GPC6: variants seen among roughly 807,000 people sequenced by gnomAD.
GPC6 encodes glypican 6.
GPC6 carries 14 observed loss-of-function variants against 55.2 expected under a neutral mutation model. That is an observed-to-expected ratio of 0.25 (90% confidence interval 0.17 to 0.40). The LOEUF (loss-of-function observed/expected upper bound fraction) is 0.40. GPC6 is among the 10% of genes least tolerant of loss of function. The pLI is 1.00. For synonymous variants in GPC6, 278 were observed against 259.6 expected (o/e 1.07, Z -0.68); for missense variants, 641 against 708.5 (o/e 0.90, Z 1.08).
At chr13:93,964,165 C>A (rs1339457812) in intron 3 of GPC6, among the ~76,000 whole-genome samples, 1 of 152,054 alleles carries the variant, frequency 6.6e-6, no homozygotes, top group African/African-American at 2.4e-5. Context: ...AAAGATGATC[C>A]ATGATGAAGG....
intron 4 of GPC6, among the ~76,000 whole-genome samples, chr13:94,104,346 A>G (rs914836254): frequency 3.2e-4 from 48 of 152,254 alleles, no homozygotes; most frequent in African/African-American, 5.8e-4. Context: ...ATATATGACA[A>G]ACCCACAGCC....
chr13:93,307,393 G>A (rs899385002), intron 1 of GPC6, among the ~76,000 whole-genome samples: 4 of 151,986 alleles, frequency 2.6e-5, no homozygotes, highest in African/African-American at 9.7e-5. Context: ...ATGGGAAGAG[G>A]GATGAAATTT....
At chr13:93,889,647 A>G (rs74111035) in intron 3 of GPC6, among the ~76,000 whole-genome samples, 5,248 of 152,166 alleles carry the variant, frequency 0.034, 269 homozygotes, top group East Asian at 0.17. Context: ...AGAGAATAAG[A>G]CTTTCATTTT....
rs535257371 is a variant in GPC6, at chr13:94,039,699, T to C, written c.877+11805T>C. Among the ~76,000 whole-genome samples the C allele has an allele frequency of 1.2e-4, 18 of 151,942 alleles. 1 individual carries two copies. The highest frequency in any genetic ancestry group is 6.8e-3 in the Middle Eastern group (2 of 294). Reference sequence around the variant, plus strand: ...ACAAAAGCTGGGATGTCACAAACCATTGGAGGGTTTTCACAGCCCAGATGT... The same window carrying C: ...ACAAAAGCTGGGATGTCACAAACCACTGGAGGGTTTTCACAGCCCAGATGT... On this transcript the variant is annotated intron_variant, in intron 4 of 8. Coordinates refer to ENST00000377047, the MANE Select transcript of GPC6 (RefSeq NM_005708.5).
intron 1 of GPC6, among the ~76,000 whole-genome samples, chr13:93,406,850 C>T (rs1020244038): frequency 6.6e-6 from 1 of 152,016 alleles, no homozygotes; most frequent in East Asian, 1.9e-4. Context: ...AACAGCTAAC[C>T]TGAAATATTT....
chr13:94,259,403 G>A (rs964920557), intron 4 of GPC6, among the ~76,000 whole-genome samples: 1 of 152,228 alleles, frequency 6.6e-6, no homozygotes, highest in African/African-American at 2.4e-5. Flanking sequence ...GAGTGGGCTG[G>A]TAGTCTCTAA....
intron 1 of GPC6, among the ~76,000 whole-genome samples, chr13:93,327,942 A>G (rs1879713718): frequency 6.6e-6 from 1 of 152,128 alleles, no homozygotes; most frequent in African/African-American, 2.4e-5. Flanking sequence ...CTGACTCCTC[A>G]GATTCAGGGA....
chr13:93,595,160 A>T (rs1328830399), intron 2 of GPC6, among the ~76,000 whole-genome samples: 2 of 152,214 alleles, frequency 1.3e-5, no homozygotes, highest in Non-Finnish European at 2.9e-5. Context: ...TATTATAGAT[A>T]TTAAACCTGA....
At chr13:94,057,178 A>C (rs181424554) in intron 4 of GPC6, among the ~76,000 whole-genome samples, 37 of 152,318 alleles carry the variant, frequency 2.4e-4, no homozygotes, top group African/African-American at 8.7e-4. Context: ...ATTATGTTCA[A>C]CTTGTTAGCT....
intron 4 of GPC6, among the ~76,000 whole-genome samples, chr13:94,236,641 T>G (rs928836009): frequency 1.3e-5 from 2 of 152,104 alleles, no homozygotes; most frequent in Non-Finnish European, 2.9e-5. Flanking sequence ...TGAAAGTAAC[T>G]TTGAGCTGGT....
chr13:94,090,104 C>T (rs988842659), intron 4 of GPC6, among the ~76,000 whole-genome samples: 5 of 152,150 alleles, frequency 3.3e-5, no homozygotes, highest in African/African-American at 9.7e-5. Flanking sequence ...AATGGACTCA[C>T]AGTTCCACAT....
At chr13:93,478,727 T>C (rs1456979564) in intron 1 of GPC6, among the ~76,000 whole-genome samples, 2 of 152,184 alleles carry the variant, frequency 1.3e-5, no homozygotes, top group Non-Finnish European at 2.9e-5. Flanking sequence ...GGAAATCATG[T>C]TACAGGTCAG....
In GPC6 at chr13:93,377,054, T is replaced by C. The variant is rs75563982; in HGVS notation, c.160+149438T>C. Among the ~76,000 whole-genome samples the C allele has an allele frequency of 2.5e-3, 384 of 152,352 alleles. 5 individuals are homozygous for C. The highest frequency in any genetic ancestry group is 0.015 in the East Asian group (79 of 5,182). Reference sequence around the variant, plus strand: ...GTTTAATTTTCCTTTCTAACTTAGATGGTTTCACAAATGCACAGTTGTACA... The same window carrying C: ...GTTTAATTTTCCTTTCTAACTTAGACGGTTTCACAAATGCACAGTTGTACA... On this transcript the variant is annotated intron_variant, in intron 1 of 8. Coordinates refer to ENST00000377047, the MANE Select transcript of GPC6 (RefSeq NM_005708.5).
At chr13:93,567,983 T>C (rs1876220264) in intron 2 of GPC6, among the ~76,000 whole-genome samples, 1 of 152,178 alleles carries the variant, frequency 6.6e-6, no homozygotes, top group South Asian at 2.1e-4. Flanking sequence ...CTTGATGTTC[T>C]AAGAGAAACC....
chr13:93,802,505 C>T (rs955234457), intron 2 of GPC6, among the ~76,000 whole-genome samples: 6 of 151,940 alleles, frequency 3.9e-5, no homozygotes, highest in Non-Finnish European at 5.9e-5. Flanking sequence ...TGAAGCCATT[C>T]TTCCACCTCA....
At position 94,304,138 on chromosome 13, in the gene GPC6, C is replaced by T. The variant is rs1325955765; in HGVS notation, c.1009-1842C>T. Among the ~76,000 whole-genome samples, 3 of 152,320 alleles carry T rather than the reference C, an allele frequency of 2.0e-5. No homozygotes were observed. In the East Asian group the frequency reaches 5.8e-4, roughly 29 times the overall value. On this transcript the variant is annotated intron_variant, in intron 5 of 8. Transcript: ENST00000377047. Reference sequence around the variant, plus strand: ...GATTTAGGCACTACGGAGAAAAGGGCCCACTATCTTTATCACATCGGTTTA... The same window carrying T: ...GATTTAGGCACTACGGAGAAAAGGGTCCACTATCTTTATCACATCGGTTTA...
At position 93,911,406 on chromosome 13, in the gene GPC6, CTGTGTG is replaced by C. The variant is rs10566353; in HGVS notation, c.711+80887_711+80892del. Among the ~76,000 whole-genome samples, 997 of 149,764 alleles carry C rather than the reference CTGTGTG, an allele frequency of 6.7e-3. 8 individuals are homozygous for C. The highest frequency in any genetic ancestry group is 0.021 in the African/African-American group (864 of 40,808). ...AACTACCATGAATAAAGATAATTGA[CTGTGTG>C]TGTGTGTGTGTGTGTGTGTGTGTGT... On this transcript the variant is annotated intron_variant, in intron 3 of 8. Coordinates refer to ENST00000377047, the MANE Select transcript of GPC6 (RefSeq NM_005708.5).
At chr13:94,375,231 T>C (rs1879784761) in intron 6 of GPC6, among the ~76,000 whole-genome samples, 1 of 150,214 alleles carries the variant, frequency 6.7e-6, no homozygotes, top group Admixed American at 6.6e-5. Flanking sequence ...CTGAAGGAAA[T>C]AGAGACACAA....
chr13:94,092,990 A>C (rs951028432), intron 4 of GPC6, among the ~76,000 whole-genome samples: 1 of 151,988 alleles, frequency 6.6e-6, no homozygotes, highest in Admixed American at 6.6e-5. Flanking sequence ...TGAGTTGTTT[A>C]AGTTCCTTAT....
Sources: allele counts gnomAD v4.1 joint callset (sites outside exome capture counted in the v4.1 genomes callset), GRCh38; gene constraint gnomAD v4.1.1; transcripts MANE v1.5; gene names NCBI Gene and HGNC (gene_info 2026-07-23, HGNC 2026-07-21).